RASGEF1B: variants seen among roughly 807,000 people sequenced by gnomAD.
RASGEF1B encodes ras-GEF domain-containing family member 1B.
RASGEF1B carries 30 observed loss-of-function variants against 65.7 expected under a neutral mutation model. The ratio of observed to expected loss-of-function variants is 0.46; its 90% CI spans 0.34 to 0.62. The LOEUF is 0.62. Ranked by LOEUF, RASGEF1B falls within the 20% of genes least tolerant of loss-of-function variation. The pLI is 0.01. For synonymous variants in RASGEF1B, 175 were observed against 194.8 expected (o/e 0.90, Z 0.85); for missense variants, 495 against 580.1 (o/e 0.85, Z 1.51).
At position 81,456,764 on chromosome 4, in the gene RASGEF1B, T is replaced by G. The variant is rs1447816771; in HGVS notation, c.325A>C (p.Lys109Gln). The part of the protein sequence containing the change: ...DKNQMRKIAP[K>Q]ILQLLTEWTE... ...CATTCCGTGAGGAGTTGAAGGATTT[T>G]GGGTGCAATTTTTCTCATCTGGTTC... is the stretch of plus-strand genomic sequence containing the variant. The change falls in exon 4 of 14, where the codon AAA becomes CAA. Residue 109 changes from lysine (K) to glutamine (Q), a missense_variant. By Grantham distance (53) the Lys-to-Gln change is moderately conservative. Transcript: ENST00000264400. 1 of 1,611,914 alleles carries G rather than the reference T, an allele frequency of 6.2e-7. No homozygotes were observed. The highest frequency in any genetic ancestry group is 1.1e-5 in the South Asian group (1 of 90,724).
intron 13 of RASGEF1B, among the ~76,000 whole-genome samples, chr4:81,431,359 C>A (rs1721423701): frequency 6.6e-6 from 1 of 151,826 alleles, no homozygotes; most frequent in African/African-American, 2.4e-5. Flanking sequence ...ATTAGCCAAA[C>A]CTTCTTTATG....
intron 12 of RASGEF1B, among the ~76,000 whole-genome samples, chr4:81,433,583 C>T (rs968138508): frequency 6.6e-6 from 1 of 152,034 alleles, no homozygotes; most frequent in Non-Finnish European, 1.5e-5. Context: ...CTTCAATAAC[C>T]CCATTTGTGC....
intron 2 of RASGEF1B, chr4:81,458,883 T>A (rs1353134642): frequency 6.5e-6 from 1 of 152,834 alleles, no homozygotes; most frequent in Non-Finnish European, 1.5e-5. Flanking sequence ...TGATGTCAAA[T>A]CTATAAAGAA....
intron 1 of RASGEF1B, among the ~76,000 whole-genome samples, chr4:81,468,073 G>T (rs557596498): frequency 6.6e-6 from 1 of 152,072 alleles, no homozygotes; most frequent in Non-Finnish European, 1.5e-5. Context: ...ATGACTAGTG[G>T]CTACCATACT....
intron 1 of RASGEF1B, among the ~76,000 whole-genome samples, chr4:81,465,131 T>C (rs1722766210): frequency 6.6e-6 from 1 of 151,924 alleles, no homozygotes; most frequent in Non-Finnish European, 1.5e-5. Flanking sequence ...TCTTGTATTT[T>C]CAGGTAGTAC....
rs772152757 is a variant in RASGEF1B, at chr4:81,427,302, T to G, written c.*466A>C. ...AAGGTTTGGGATCTAAACGGGGGGG[T>G]TTTAGATCCCCTCCCTCCACTCCTT... On this transcript the variant is annotated 3_prime_UTR_variant, in exon 14 of 14. Coordinates refer to ENST00000264400, the MANE Select transcript of RASGEF1B (RefSeq NM_152545.3). 4 of 154,202 alleles carry G rather than the reference T, an allele frequency of 2.6e-5. No individual in the cohort carries two copies. Among genetic ancestry groups the G allele is most frequent in the East Asian group, 3.8e-4 (2 of 5,232 alleles). The allele number at this position is 154,202 out of a possible 1,614,324, so 9.6% of individuals were successfully genotyped here. A position where few individuals can be genotyped will look rare whatever the true frequency, so the allele number is the denominator to read the frequency against.
At chr4:81,453,586 G>C (rs1450740220) in intron 4 of RASGEF1B, 2 of 152,212 alleles carry the variant, frequency 1.3e-5, no homozygotes, top group Non-Finnish European at 2.9e-5. Context: ...CACAAATACA[G>C]AGAGAGGGCC....
intron 8 of RASGEF1B, among the ~76,000 whole-genome samples, chr4:81,444,155 T>G (rs1201399245): frequency 6.6e-6 from 1 of 152,228 alleles, no homozygotes; most frequent in Non-Finnish European, 1.5e-5. Flanking sequence ...CATTGATTTG[T>G]AGGGTTCTTT....
At chr4:81,469,110 GCAATACCTGAATT>G (rs1722941262) in intron 1 of RASGEF1B, among the ~76,000 whole-genome samples, 1 of 152,120 alleles carries the variant, frequency 6.6e-6, no homozygotes, top group South Asian at 2.1e-4. Flanking sequence ...GGGTGGGCTG[GCAATACCTGAATT>G]CAACTACTAC....
intron 3 of RASGEF1B, 101 bp from the exon 4 acceptor site, chr4:81,456,889 G>T: frequency 9.3e-7 from 1 of 1,078,004 alleles, no homozygotes; most frequent in Non-Finnish European, 1.3e-6. Context: ...CTAGTGCAAA[G>T]TCTTTAGGGA....
intron 10 of RASGEF1B, 130 bp from the exon 11 acceptor site, chr4:81,434,864 T>G: frequency 1.6e-6 from 1 of 624,810 alleles, no homozygotes; most frequent in South Asian, 1.9e-5. Flanking sequence ...AGGTACAGTG[T>G]TTTGTTTCTT....
chr4:81,462,992 T>G (rs981537753), intron 1 of RASGEF1B, among the ~76,000 whole-genome samples: 1 of 152,144 alleles, frequency 6.6e-6, no homozygotes, highest in African/African-American at 2.4e-5. Context: ...ACAGGTGGGG[T>G]AGGGTTTCAG....
intron 6 of RASGEF1B, among the ~76,000 whole-genome samples, chr4:81,447,070 C>T (rs1217686007): frequency 1.2e-4 from 18 of 152,212 alleles, no homozygotes; most frequent in Admixed American, 1.2e-3. Flanking sequence ...CACCTTAAAA[C>T]AAGAGGCAAA....
In RASGEF1B at chr4:81,445,823, G is replaced by A. The variant is rs72876523; in HGVS notation, c.745C>T (p.Arg249Trp). Residue 249 changes from arginine (R) to tryptophan (W), a missense_variant, in exon 7 of 14, where the codon CGG becomes TGG. Coordinates refer to ENST00000264400, the MANE Select transcript of RASGEF1B (RefSeq NM_152545.3). ...LDNDKSCYSE[R>W]KKTRNLEAYV... ...GCTTCTAAGTTTCGTGTTTTCTTCCGTTCACTGTAGCAACTCTTTAGAGAA... is the reference window on the plus strand; with the variant it reads ...GCTTCTAAGTTTCGTGTTTTCTTCCATTCACTGTAGCAACTCTTTAGAGAA... The A allele has an allele frequency of 1.3e-4, 215 of 1,613,330 alleles. No homozygotes were observed. Among genetic ancestry groups the A allele is most frequent in the African/African-American group, 1.2e-3 (91 of 74,954 alleles).
chr4:81,456,849 A>G lies in RASGEF1B; in HGVS notation c.301-61T>C, dbSNP rs1722462361. The G allele has an allele frequency of 1.9e-5, 27 of 1,408,492 alleles. 1 individual carries two copies. The South Asian group carries it at 3.3e-4, about 17-fold the overall frequency. The allele number at this position is 1,408,492 out of a possible 1,614,324, so 87.2% of individuals were successfully genotyped here. ...TATCACTATGGACTACATCAAATCA[A>G]TAGTTACAAAGAGCGTCACTGAGAA... On this transcript the variant is annotated intron_variant, in intron 3 of 13. Coordinates refer to ENST00000264400, the MANE Select transcript of RASGEF1B (RefSeq NM_152545.3).
intron 2 of RASGEF1B, among the ~76,000 whole-genome samples, chr4:81,458,335 G>C (rs79491598): frequency 0.035 from 5,370 of 152,042 alleles, 308 homozygotes; most frequent in African/African-American, 0.12. Flanking sequence ...TTTTTCCTTA[G>C]GCGCCTTTAC....
intron 1 of RASGEF1B, among the ~76,000 whole-genome samples, chr4:81,469,793 G>A (rs1008164265): frequency 6.6e-6 from 1 of 152,114 alleles, no homozygotes; most frequent in African/African-American, 2.4e-5. Context: ...AGATGTGTTA[G>A]TATCAGATAA....
At chr4:81,457,262 C>T (rs1226377247) in intron 3 of RASGEF1B, among the ~76,000 whole-genome samples, 2 of 152,180 alleles carry the variant, frequency 1.3e-5, no homozygotes, top group Admixed American at 6.5e-5. Flanking sequence ...GGTGATCCAC[C>T]CACCCTGGCC....
intron 10 of RASGEF1B, among the ~76,000 whole-genome samples, chr4:81,438,405 C>T (rs1254327454): frequency 6.6e-6 from 1 of 152,254 alleles, no homozygotes; most frequent in African/African-American, 2.4e-5. Flanking sequence ...CCGCCTCAGC[C>T]TCCCAAAGTG....
Sources: allele counts gnomAD v4.1 joint callset (sites outside exome capture counted in the v4.1 genomes callset), GRCh38; gene constraint gnomAD v4.1.1; transcripts MANE v1.5; gene names NCBI Gene and HGNC (gene_info 2026-07-23, HGNC 2026-07-21).